The following TESC variants were observed in gnomAD, a reference collection of about 807,000 sequenced individuals.
TESC encodes calcineurin B homologous protein 3.
Under a neutral mutation model 31.0 loss-of-function variants are expected in TESC, and 19 were observed. That is an observed-to-expected ratio of 0.61 (90% CI 0.43 to 0.90). The LOEUF (loss-of-function observed/expected upper bound fraction) is 0.90. Ranked by LOEUF, TESC falls within the 40% of genes least tolerant of loss-of-function variation. The pLI is 0.00. For missense variants in TESC, 248 were observed against 303.8 expected (o/e 0.82, Z 1.36); for synonymous variants, 109 against 114.8 (o/e 0.95, Z 0.32).
At chr12:117,042,616 G>C (rs2135744559) in intron 6 of TESC, among the ~76,000 whole-genome samples, 1 of 152,346 alleles carries the variant, frequency 6.6e-6, no homozygotes, top group African/African-American at 2.4e-5. Flanking sequence ...TCTCCCTGCT[G>C]AGTGGGTTTG....
intron 7 of TESC, among the ~76,000 whole-genome samples, chr12:117,041,735 C>A (rs192609336): frequency 6.6e-6 from 1 of 152,172 alleles, no homozygotes; most frequent in Admixed American, 6.5e-5. Flanking sequence ...GTTTTGACTA[C>A]GTGTGAATAT....
In TESC at chr12:117,042,540, C is replaced by G. The variant is rs1470731176; in HGVS notation, c.520-546G>C. On this transcript the variant is annotated intron_variant, in intron 6 of 7. Transcript: ENST00000335209. Reference sequence around the variant, plus strand: ...CCTGTGAGGCCCACGCCTCATGCCTCGTGAGTCACCGTGATAACTCAGGGC... The same window carrying G: ...CCTGTGAGGCCCACGCCTCATGCCTGGTGAGTCACCGTGATAACTCAGGGC... Among the ~76,000 whole-genome samples, 6 of 151,720 alleles carry G rather than the reference C, an allele frequency of 4.0e-5. No individual in the cohort carries two copies. The South Asian group carries it at 1.3e-3, about 32-fold the overall frequency.
chr12:117,042,764 C>A (rs1178333081), intron 6 of TESC, among the ~76,000 whole-genome samples: 1 of 152,170 alleles, frequency 6.6e-6, no homozygotes, highest in Non-Finnish European at 1.5e-5. Context: ...TTTGTGACAG[C>A]GAAAACCCGC....
intron 2 of TESC, among the ~76,000 whole-genome samples, chr12:117,072,340 C>T (rs1954985818): frequency 6.6e-6 from 1 of 152,150 alleles, no homozygotes; most frequent in Non-Finnish European, 1.5e-5. Context: ...GCCTTGGCCT[C>T]CCAAAGTGCT....
At chr12:117,071,920 CAG>C (rs1438539318) in intron 2 of TESC, among the ~76,000 whole-genome samples, 1 of 152,194 alleles carries the variant, frequency 6.6e-6, no homozygotes, top group Non-Finnish European at 1.5e-5. Context: ...GTTAGAAATG[CAG>C]AGTCTCAGGC....
chr12:117,060,235 A>G (rs1199635596), intron 2 of TESC, among the ~76,000 whole-genome samples: 1 of 152,182 alleles, frequency 6.6e-6, no homozygotes, highest in African/African-American at 2.4e-5. Context: ...CTATGACTCC[A>G]TTTATGTAAA....
intron 7 of TESC, among the ~76,000 whole-genome samples, chr12:117,041,711 G>A (rs948081238): frequency 6.6e-6 from 1 of 152,184 alleles, no homozygotes; most frequent in Non-Finnish European, 1.5e-5. Flanking sequence ...ATACCCTTTT[G>A]TACTGCTTAC....
intron 2 of TESC, among the ~76,000 whole-genome samples, chr12:117,057,092 T>G (rs1005318875): frequency 4.6e-5 from 7 of 152,102 alleles, no homozygotes; most frequent in African/African-American, 1.2e-4. Context: ...CAGGGAGGAT[T>G]TGGAGGCTCA....
chr12:117,099,060 G>A (rs1955436251), intron 1 of TESC, among the ~76,000 whole-genome samples, 165 bp downstream of exon 1: 1 of 152,140 alleles, frequency 6.6e-6, no homozygotes, highest in South Asian at 2.1e-4. Context: ...GCCGCAGCCC[G>A]CGAGGTGGCC....
rs1218722732 is a variant in TESC at position 117,046,625 on chromosome 12, C to T, written c.453G>A (p.Lys151=). Reference sequence around the variant, plus strand: ...CGTCGGCGATGGAGCGAGCGGACTCCTTCTCGATGTGAGGGTTTCCCGACA... The same window carrying T: ...CGTCGGCGATGGAGCGAGCGGACTCTTTCTCGATGTGAGGGTTTCCCGACA... ...ELLSGNPHIE[K]ESARSIADGA... The change falls in exon 6 of 8, where the codon AAG becomes AAA. Residue 151 remains lysine (K), a synonymous_variant. Coordinates refer to ENST00000335209, the MANE Select transcript of TESC (RefSeq NM_017899.4). 6.4e-7 allele frequency: 1 copy of T among 1,551,762 alleles called. No individual in the cohort carries two copies. Among genetic ancestry groups the T allele is most frequent in the Non-Finnish European group, 8.7e-7 (1 of 1,147,104 alleles).
At chr12:117,088,398 T>C (rs1232442304) in intron 1 of TESC, among the ~76,000 whole-genome samples, 4 of 152,108 alleles carry the variant, frequency 2.6e-5, no homozygotes. Flanking sequence ...AGTACAAGGT[T>C]GGCCGGGCAC....
intron 1 of TESC, among the ~76,000 whole-genome samples, 170 bp from the exon 2 acceptor site, chr12:117,075,510 T>C (rs1217372937): frequency 2.0e-5 from 3 of 152,020 alleles, no homozygotes; most frequent in African/African-American, 2.4e-5. Context: ...AGAGAAAGGA[T>C]TTCCCGTTCT....
chr12:117,070,880 A>C (rs1183965973), intron 2 of TESC, among the ~76,000 whole-genome samples: 1 of 152,172 alleles, frequency 6.6e-6, no homozygotes, highest in Non-Finnish European at 1.5e-5. Context: ...CTGAAGCAGG[A>C]GGAGCACTTG....
At chr12:117,046,457 T>C (rs529308913) in intron 6 of TESC, 102 bp downstream of exon 6, 2 of 1,147,164 alleles carry the variant, frequency 1.7e-6, no homozygotes, top group African/African-American at 3.1e-5. Flanking sequence ...GTAGAGCAGG[T>C]GGCAGAATAC....
chr12:117,046,884 C>G (rs568312989), intron 4 of TESC, 46 bp from the exon 5 acceptor site: 1 of 1,530,854 alleles, frequency 6.5e-7, no homozygotes, highest in Admixed American at 2.0e-5. Context: ...CGGGGCCTGG[C>G]CCCTGCCACC....
chr12:117,043,292 G>T (rs922706794), intron 6 of TESC, among the ~76,000 whole-genome samples: 1 of 151,842 alleles, frequency 6.6e-6, no homozygotes, highest in Non-Finnish European at 1.5e-5. Flanking sequence ...TTAGGGAAGA[G>T]GACCTGGGCT....
intron 1 of TESC, among the ~76,000 whole-genome samples, chr12:117,091,983 A>T (rs1410634736): frequency 2.6e-5 from 4 of 152,188 alleles, no homozygotes; most frequent in Non-Finnish European, 5.9e-5. Context: ...GCACTTGGCA[A>T]ATCCCACTAG....
At chr12:117,093,781 A>AT (rs35866896) in intron 1 of TESC, among the ~76,000 whole-genome samples, 297 of 141,560 alleles carry the variant, frequency 2.1e-3, no homozygotes, top group Admixed American at 2.3e-3. Context: ...AGGTCTGGAG[A>AT]TTTTTTTTTT....
chr12:117,078,518 A>T (rs1424025475), intron 1 of TESC, among the ~76,000 whole-genome samples: 3 of 152,002 alleles, frequency 2.0e-5, no homozygotes, highest in Non-Finnish European at 2.9e-5. Context: ...TGTTTAGCCA[A>T]TTTTTGTTTA....
Sources: gnomAD v4.1 joint callset for allele counts (sites outside exome capture counted in the v4.1 genomes callset) on GRCh38, gnomAD v4.1.1 for gene constraint, MANE v1.5 for transcripts, NCBI Gene and HGNC (gene_info 2026-07-23, HGNC 2026-07-21) for gene names.